The following MYO9A variants were observed in gnomAD, a reference collection of about 807,000 sequenced individuals.
MYO9A encodes myosin IXA.
A neutral mutation model predicts 293.3 loss-of-function variants in MYO9A; 103 were observed. The ratio of observed to expected loss-of-function variants is 0.35; its 90% CI spans 0.30 to 0.41. MYO9A has a LOEUF of 0.41. Ranked by LOEUF, MYO9A falls within the 10% of genes least tolerant of loss-of-function variation. The probability of loss-of-function intolerance (pLI) is 1.00; values close to 1 mark genes in which losing one functional copy is unlikely to be tolerated. For synonymous variants in MYO9A, 1,001 were observed against 1,035.7 expected (o/e 0.97, Z 0.64); for missense variants, 2,685 against 3,033.0 (o/e 0.89, Z 2.69).
At chr15:72,079,099 C>T (rs189750910) in intron 1 of MYO9A, among the ~76,000 whole-genome samples, 1 of 152,132 alleles carries the variant, frequency 6.6e-6, no homozygotes, top group Admixed American at 6.5e-5. Flanking sequence ...GAGAGTGAAC[C>T]CTAAACTACA....
chr15:72,066,645 G>A (rs1052788120), intron 1 of MYO9A, among the ~76,000 whole-genome samples: 3 of 152,086 alleles, frequency 2.0e-5, no homozygotes, highest in African/African-American at 7.2e-5. Flanking sequence ...TATAGGCAGG[G>A]CACAAAAGGA....
intron 27 of MYO9A, 110 bp downstream of exon 27, chr15:71,887,894 T>C (rs2057068217): frequency 1.8e-6 from 1 of 542,180 alleles, no homozygotes; most frequent in Non-Finnish European, 3.1e-6. Flanking sequence ...AAGTTTAATT[T>C]CAAAAGTGGC....
Position 71,859,771 on chromosome 15 carries a change from C to A in MYO9A, c.6117G>T (p.Lys2039Asn). Reference protein sequence around the residue: ...CKLCKYACHKKCCLKTTAKCS... With the variant: ...CKLCKYACHKNCCLKTTAKCS... ...ACTTGGCTGTGGTTTTCAGACAGCA[C>A]TTCTTATGGCAAGCATACTTGCATA... is the stretch of plus-strand genomic sequence containing the variant. The change falls in exon 34 of 42, where the codon AAG (lysine) becomes AAT (asparagine). Residue 2039 changes from lysine (K) to asparagine (N), a missense_variant. By Grantham distance (94) the Lys-to-Asn change is moderately conservative. Transcript: ENST00000356056. 4.3e-6 allele frequency: 7 copies of A among 1,613,392 alleles called. No individual in the cohort carries two copies. Among genetic ancestry groups the A allele is most frequent in the Non-Finnish European group, 5.9e-6 (7 of 1,179,660 alleles).
At chr15:72,001,550 T>A (rs992588414) in intron 8 of MYO9A, among the ~76,000 whole-genome samples, 3 of 47,068 alleles carry the variant, frequency 6.4e-5, no homozygotes, top group Admixed American at 3.2e-4. Context: ...TCAGACTCCA[T>A]CTCAAAAAAA....
intron 15 of MYO9A, among the ~76,000 whole-genome samples, chr15:71,943,781 A>C (rs2146251656): frequency 6.6e-6 from 1 of 152,266 alleles, no homozygotes; most frequent in South Asian, 2.1e-4. Context: ...GATGGAATAA[A>C]ACAGTATGCT....
chr15:72,116,660 A>T (rs969865454), intron 1 of MYO9A, among the ~76,000 whole-genome samples: 1 of 152,266 alleles, frequency 6.6e-6, no homozygotes, highest in East Asian at 1.9e-4. Flanking sequence ...TCCTTTAAAA[A>T]TAAAAATAAG....
At chr15:71,938,980 A>ACGTGAAAT (rs1189852836) in intron 15 of MYO9A, 53 bp from the exon 16 acceptor site, 2 of 1,392,076 alleles carry the variant, frequency 1.4e-6, no homozygotes, top group Non-Finnish European at 2.0e-6. Flanking sequence ...GAAAAATGAA[A>ACGTGAAAT]CGTGAAATAG....
chr15:72,019,577 A>G (rs1484733904), intron 5 of MYO9A, among the ~76,000 whole-genome samples: 1 of 152,210 alleles, frequency 6.6e-6, no homozygotes, highest in Admixed American at 6.5e-5. Flanking sequence ...ATTTAATTCT[A>G]TGTGTAAAAA....
intron 27 of MYO9A, among the ~76,000 whole-genome samples, chr15:71,885,966 A>G (rs1261926629): frequency 3.9e-5 from 6 of 151,958 alleles, no homozygotes; most frequent in African/African-American, 1.2e-4. Context: ...AGCTCTTTTT[A>G]TTATGAATGT....
At chr15:71,933,783 G>C in intron 17 of MYO9A, 74 bp from the exon 18 acceptor site, 1 of 1,262,682 alleles carries the variant, frequency 7.9e-7, no homozygotes, top group South Asian at 1.3e-5. Flanking sequence ...AGAGAAGAAA[G>C]ATTTCAAGGT....
Position 72,015,354 on chromosome 15 carries a change from T to C in MYO9A, c.1155+3685A>G, listed in dbSNP as rs367931322. On this transcript the variant is annotated intron_variant, in intron 6 of 41. Transcript: ENST00000356056. The stretch of plus-strand genomic sequence containing the variant: ...TAAAACAGAGTAGATGAAAACATTA[T>C]GGTTTCAGGGTATCTTGCCCAAGTT... 3.0e-4 allele frequency among the ~76,000 whole-genome samples: 45 copies of C among 152,318 alleles called. 1 individual carries two copies. In the East Asian group the frequency reaches 3.7e-3, roughly 12 times the overall value.
In MYO9A at chr15:72,118,147, G is replaced by A; in HGVS notation, c.-539C>T. On this transcript the variant is annotated 5_prime_UTR_variant, in exon 1 of 42. Coordinates refer to ENST00000356056, the MANE Select transcript of MYO9A (RefSeq NM_006901.4). ...CCCGGCTGCAGGCGAGCAGGCGCGC[G>A]CGCACTTACCTCCCACGCCCCCTAC... 5.3e-6 allele frequency: 2 copies of A among 376,210 alleles called. No individual in the cohort carries two copies. Among genetic ancestry groups the A allele is most frequent in the South Asian group, 1.4e-4 (1 of 6,998 alleles). The allele number at this position is 376,210 out of a possible 1,614,324, so 23.3% of individuals were successfully genotyped here.
intron 1 of MYO9A, among the ~76,000 whole-genome samples, chr15:72,049,954 C>CT (rs1193694468): frequency 1.3e-5 from 2 of 152,142 alleles, no homozygotes; most frequent in Non-Finnish European, 2.9e-5. Flanking sequence ...TTAGAAACAT[C>CT]TTTTTTAACA....
At chr15:72,051,840 C>T (rs982561698) in intron 1 of MYO9A, among the ~76,000 whole-genome samples, 1 of 152,112 alleles carries the variant, frequency 6.6e-6, no homozygotes, top group Non-Finnish European at 1.5e-5. Flanking sequence ...CCATGAACAG[C>T]AGGAGGAGGC....
chr15:71,864,123 A>C (rs2056243306), intron 32 of MYO9A, among the ~76,000 whole-genome samples: 1 of 152,230 alleles, frequency 6.6e-6, no homozygotes. Context: ...TTATGTTAGA[A>C]ATGTTAGAAC....
At position 71,951,913 on chromosome 15, in the gene MYO9A, AAAC is replaced by A; in HGVS notation, c.2183-20_2183-18del. The A allele has an allele frequency of 6.4e-7, 1 of 1,566,998 alleles. No individual in the cohort carries two copies. The highest frequency in any genetic ancestry group is 8.6e-7 in the Non-Finnish European group (1 of 1,165,650). ...CATCATGTCCTTAGGAAGCAAAAAA[AAAC>A]AAACAAAAAAAAAAGGAGAAAAGAA... On this transcript the variant is annotated intron_variant, in intron 14 of 41. Coordinates refer to ENST00000356056, the MANE Select transcript of MYO9A (RefSeq NM_006901.4).
At chr15:72,101,538 C>T (rs1383599300) in intron 1 of MYO9A, among the ~76,000 whole-genome samples, 5 of 131,110 alleles carry the variant, frequency 3.8e-5, no homozygotes, top group Non-Finnish European at 6.6e-5. Flanking sequence ...CCCGCCCGGC[C>T]AGCCGCCCCG....
intron 18 of MYO9A, among the ~76,000 whole-genome samples, chr15:71,929,222 G>C (rs1851263342): frequency 6.6e-6 from 1 of 152,050 alleles, no homozygotes; most frequent in Non-Finnish European, 1.5e-5. Flanking sequence ...ACATTATGTT[G>C]TTGACAACCA....
intron 12 of MYO9A, among the ~76,000 whole-genome samples, chr15:71,969,526 A>G (rs562234218): frequency 1.3e-5 from 2 of 152,350 alleles, no homozygotes; most frequent in South Asian, 2.1e-4. Flanking sequence ...GCTCCAAAGC[A>G]TAGGCCAGCT....
Sources: gnomAD v4.1 joint callset for allele counts (sites outside exome capture counted in the v4.1 genomes callset) on GRCh38, gnomAD v4.1.1 for gene constraint, MANE v1.5 for transcripts, NCBI Gene and HGNC (gene_info 2026-07-23, HGNC 2026-07-21) for gene names.